PTPRM: variants seen among roughly 807,000 people sequenced by gnomAD.
PTPRM encodes the protein protein tyrosine phosphatase receptor type M.
Under a neutral mutation model 186.7 loss-of-function variants are expected in PTPRM, and 47 were observed. The ratio of observed to expected loss-of-function variants is 0.25; its 90% CI spans 0.20 to 0.32. The LOEUF (loss-of-function observed/expected upper bound fraction) is 0.32. Ranked by LOEUF, PTPRM falls within the 10% of genes least tolerant of loss-of-function variation. PTPRM has a pLI of 1.00. For missense variants in PTPRM, 1,494 were observed against 1,865.0 expected (o/e 0.80, Z 3.66); for synonymous variants, 668 against 674.9 (o/e 0.99, Z 0.16).
chr18:7,775,399 A>G (rs180827205), intron 2 of PTPRM, among the ~76,000 whole-genome samples: 3 of 152,268 alleles, frequency 2.0e-5, no homozygotes, highest in Admixed American at 2.0e-4. Context: ...TGTTTAAATC[A>G]GGTTTAGTTG....
intron 1 of PTPRM, among the ~76,000 whole-genome samples, chr18:7,689,327 G>A (rs568774545): frequency 3.3e-5 from 5 of 152,284 alleles, no homozygotes; most frequent in Admixed American, 6.5e-5. Context: ...GTTCGGGATT[G>A]GGCTCAAAGG....
intron 2 of PTPRM, among the ~76,000 whole-genome samples, chr18:7,779,990 T>C (rs1054997468): frequency 1.8e-4 from 28 of 152,224 alleles, no homozygotes; most frequent in Admixed American, 2.0e-4. Flanking sequence ...TTAATGACTT[T>C]CTAGTGGCGA....
At chr18:7,847,893 A>C (rs1400543650) in intron 2 of PTPRM, among the ~76,000 whole-genome samples, 1 of 152,314 alleles carries the variant, frequency 6.6e-6, no homozygotes, top group East Asian at 1.9e-4. Flanking sequence ...GGCCCCCTCA[A>C]GGGAGTGGAC....
intron 4 of PTPRM, among the ~76,000 whole-genome samples, chr18:7,923,717 C>G (rs1433737939): frequency 1.3e-5 from 2 of 152,122 alleles, no homozygotes; most frequent in Non-Finnish European, 2.9e-5. Flanking sequence ...TACCTGGGAG[C>G]TGAATTAGAC....
intron 1 of PTPRM, among the ~76,000 whole-genome samples, chr18:7,653,717 T>G (rs972895395): frequency 7.9e-5 from 12 of 152,212 alleles, no homozygotes; most frequent in Admixed American, 2.6e-4. Context: ...CTATCTGTCA[T>G]TGATGGGCAT....
At chr18:7,711,940 C>A (rs1425498176) in intron 1 of PTPRM, among the ~76,000 whole-genome samples, 1 of 152,152 alleles carries the variant, frequency 6.6e-6, no homozygotes, top group Non-Finnish European at 1.5e-5. Context: ...CCTGATGGAA[C>A]TGAAGAGAGC....
chr18:7,977,871 G>T (rs577054376), intron 7 of PTPRM, among the ~76,000 whole-genome samples: 193 of 152,280 alleles, frequency 1.3e-3, no homozygotes, highest in African/African-American at 4.4e-3. Context: ...AAACTCGTAG[G>T]CTTGAAACTT....
At chr18:8,089,303 AG>A (rs2090591804) in intron 11 of PTPRM, among the ~76,000 whole-genome samples, 1 of 152,192 alleles carries the variant, frequency 6.6e-6, no homozygotes, top group Non-Finnish European at 1.5e-5. Context: ...TGAGATGTAT[AG>A]TTTTTTGAAA....
intron 1 of PTPRM, among the ~76,000 whole-genome samples, chr18:7,701,885 A>T (rs2039974836): frequency 6.6e-6 from 1 of 151,846 alleles, no homozygotes; most frequent in Non-Finnish European, 1.5e-5. Context: ...CTGGTGTGTG[A>T]TGTCCCCCTC....
chr18:7,637,804 G>A (rs566214102), intron 1 of PTPRM, among the ~76,000 whole-genome samples: 77 of 152,304 alleles, frequency 5.1e-4, no homozygotes, highest in Non-Finnish European at 9.4e-4. Context: ...GGTTTCATTA[G>A]AACAGAATGC....
intron 1 of PTPRM, among the ~76,000 whole-genome samples, chr18:7,604,770 C>T (rs544287589): frequency 2.1e-3 from 314 of 152,302 alleles, no homozygotes; most frequent in African/African-American, 7.2e-3. Flanking sequence ...TCACCTGGTG[C>T]CATACTTCCT....
intron 1 of PTPRM, among the ~76,000 whole-genome samples, chr18:7,688,367 G>C (rs2039655998): frequency 6.6e-6 from 1 of 152,150 alleles, no homozygotes; most frequent in Non-Finnish European, 1.5e-5. Flanking sequence ...CTAGAAGAAA[G>C]GAAAGAGAAT....
chr18:7,837,826 A>G (rs569274424), intron 2 of PTPRM, among the ~76,000 whole-genome samples: 2 of 152,298 alleles, frequency 1.3e-5, no homozygotes, highest in African/African-American at 2.4e-5. Context: ...TGGTGAGGTC[A>G]TATTTTCCTG....
At chr18:8,391,831 A>G (rs656068) in intron 31 of PTPRM, among the ~76,000 whole-genome samples, 44,065 of 152,160 alleles carry the variant, frequency 0.29, 6,766 homozygotes, top group Non-Finnish European at 0.34. Context: ...ACAAGGGACA[A>G]CCAGATATTT....
chr18:8,134,349 G>A (rs1176947072), intron 13 of PTPRM, among the ~76,000 whole-genome samples: 2 of 152,172 alleles, frequency 1.3e-5, no homozygotes, highest in Non-Finnish European at 2.9e-5. Flanking sequence ...GTGTTAAAGA[G>A]ACTGTTAATC....
At chr18:8,328,281 T>G (rs1388249839) in intron 22 of PTPRM, among the ~76,000 whole-genome samples, 1 of 152,222 alleles carries the variant, frequency 6.6e-6, no homozygotes, top group African/African-American at 2.4e-5. Context: ...AGAGCGTCAG[T>G]GTAACTTCTG....
At chr18:7,767,722 AG>A (rs2042079837) in intron 1 of PTPRM, among the ~76,000 whole-genome samples, 1 of 152,252 alleles carries the variant, frequency 6.6e-6, no homozygotes, top group African/African-American at 2.4e-5. Flanking sequence ...GGAAAAAAAA[AG>A]AAAGAGAATT....
At chr18:8,294,542 C>G (rs1040849686) in intron 19 of PTPRM, among the ~76,000 whole-genome samples, 4 of 152,146 alleles carry the variant, frequency 2.6e-5, no homozygotes, top group Non-Finnish European at 5.9e-5. Context: ...GTCCCTCCCA[C>G]AACACATGGG....
chr18:8,213,869 C>T (rs2094041302), intron 14 of PTPRM, among the ~76,000 whole-genome samples: 2 of 152,092 alleles, frequency 1.3e-5, no homozygotes, highest in Non-Finnish European at 2.9e-5. Flanking sequence ...GCCCATCATC[C>T]GATGAGTGGA....
Sources: allele counts gnomAD v4.1 joint callset (sites outside exome capture counted in the v4.1 genomes callset), GRCh38; gene constraint gnomAD v4.1.1; transcripts MANE v1.5; gene names NCBI Gene and HGNC (gene_info 2026-07-23, HGNC 2026-07-21).